Variants in CAMK4 observed in about 807,000 individuals in gnomAD.
The protein encoded by CAMK4 is calcium/calmodulin-dependent protein kinase type IV.
Under a neutral mutation model 44.9 loss-of-function variants are expected in CAMK4, and 22 were observed. The observed-to-expected ratio is 0.49, with a 90% CI of 0.35 to 0.70. CAMK4 has a LOEUF of 0.70. Among genes scored for constraint, CAMK4 ranks in the 30% least tolerant of loss-of-function variants. CAMK4 has a pLI of 0.01. For synonymous variants in CAMK4, 218 were observed against 215.4 expected (o/e 1.01, Z -0.11); for missense variants, 498 against 586.8 (o/e 0.85, Z 1.56).
At position 111,239,392 on chromosome 5, in the gene CAMK4, A is replaced by G. The variant is rs999035564; in HGVS notation, c.161+14748A>G. On this transcript the variant is annotated intron_variant, in intron 1 of 10. Coordinates refer to ENST00000282356, the MANE Select transcript of CAMK4 (RefSeq NM_001744.6). ...TATTGTCAGTTTTCTATCTTAAATT[A>G]TAAATTCCCGAGAATAAGATTCATG... Among the ~76,000 whole-genome samples, 5 of 152,164 alleles carry G rather than the reference A, an allele frequency of 3.3e-5. 1 individual carries two copies. Among genetic ancestry groups the G allele is most frequent in the African/African-American group, 1.2e-4 (5 of 41,430 alleles).
intron 4 of CAMK4, among the ~76,000 whole-genome samples, chr5:111,391,733 A>G (rs1282147183): frequency 6.6e-6 from 1 of 152,168 alleles, no homozygotes; most frequent in Non-Finnish European, 1.5e-5. Context: ...TAATGAAAGC[A>G]CTCTAAATTG....
At chr5:111,462,722 G>A (rs1389417271) in intron 7 of CAMK4, among the ~76,000 whole-genome samples, 2 of 152,148 alleles carry the variant, frequency 1.3e-5, no homozygotes, top group Non-Finnish European at 2.9e-5. Context: ...AGGAATTTAA[G>A]AAAAGAAGGC....
intron 1 of CAMK4, among the ~76,000 whole-genome samples, chr5:111,289,832 G>A (rs1293989345): frequency 6.6e-6 from 1 of 152,202 alleles, no homozygotes; most frequent in East Asian, 1.9e-4. Context: ...TCCCCATTGT[G>A]TAGCAGAAAT....
intron 2 of CAMK4, among the ~76,000 whole-genome samples, chr5:111,356,945 C>CAG (rs1214392662): frequency 3.3e-5 from 5 of 151,534 alleles, no homozygotes; most frequent in East Asian, 1.9e-4. Flanking sequence ...GACAGAAAGA[C>CAG]AGAGAGAGAG....
At chr5:111,243,331 G>C (rs1744995817) in intron 1 of CAMK4, among the ~76,000 whole-genome samples, 1 of 152,156 alleles carries the variant, frequency 6.6e-6, no homozygotes, top group African/African-American at 2.4e-5. Context: ...CATCACCTGG[G>C]GAAGAGTGAA....
rs1751841941 is a variant in CAMK4, at chr5:111,392,594, AT to A, written c.387-2114del. Among the ~76,000 whole-genome samples the A allele has an allele frequency of 3.3e-5, 5 of 152,192 alleles. No homozygotes were observed. In the South Asian group the frequency reaches 1.0e-3, roughly 32 times the overall value. On this transcript the variant is annotated intron_variant, in intron 4 of 10. Transcript: ENST00000282356. ...ACAAACACTCCTAAATGGAAAAAAAATTAAAATTAAAGAGGAAAAGCACATA... is the reference window on the plus strand; with the variant it reads ...ACAAACACTCCTAAATGGAAAAAAAATAAAATTAAAGAGGAAAAGCACATA...
At chr5:111,335,802 A>G (rs1749376397) in intron 1 of CAMK4, among the ~76,000 whole-genome samples, 1 of 151,418 alleles carries the variant, frequency 6.6e-6, no homozygotes, top group Admixed American at 6.6e-5. Flanking sequence ...TATATTTTGT[A>G]TATGTATGTA....
At chr5:111,462,531 C>A (rs1754679712) in intron 7 of CAMK4, among the ~76,000 whole-genome samples, 1 of 152,146 alleles carries the variant, frequency 6.6e-6, no homozygotes, top group Non-Finnish European at 1.5e-5. Context: ...ATTTCATTCA[C>A]CTTAGTCTCC....
At chr5:111,473,134 C>T (rs1210872024) in intron 7 of CAMK4, among the ~76,000 whole-genome samples, 177 bp from the exon 8 acceptor site, 1 of 152,128 alleles carries the variant, frequency 6.6e-6, no homozygotes, top group Non-Finnish European at 1.5e-5. Context: ...ACTATAATCT[C>T]TCCTACTAAA....
chr5:111,297,411 T>C (rs940022350), intron 1 of CAMK4, among the ~76,000 whole-genome samples: 1 of 152,170 alleles, frequency 6.6e-6, no homozygotes, highest in Non-Finnish European at 1.5e-5. Context: ...GTCAAACCTA[T>C]TTAAGAGAGA....
intron 1 of CAMK4, among the ~76,000 whole-genome samples, chr5:111,250,340 A>G (rs1451717863): frequency 6.6e-6 from 1 of 152,162 alleles, no homozygotes. Flanking sequence ...GATTGAAGGC[A>G]TGGTGTACTT....
chr5:111,441,346 T>C (rs998015808), intron 5 of CAMK4, among the ~76,000 whole-genome samples: 1 of 152,216 alleles, frequency 6.6e-6, no homozygotes, highest in Non-Finnish European at 1.5e-5. Context: ...TTTAAAAATA[T>C]AACACACTTA....
chr5:111,391,664 G>A (rs1428633825), intron 4 of CAMK4, among the ~76,000 whole-genome samples: 2 of 152,064 alleles, frequency 1.3e-5, no homozygotes, highest in Non-Finnish European at 2.9e-5. Flanking sequence ...CAAGGCAATG[G>A]AAGAAAACAA....
At chr5:111,401,390 G>T (rs1752220694) in intron 5 of CAMK4, among the ~76,000 whole-genome samples, 1 of 152,124 alleles carries the variant, frequency 6.6e-6, no homozygotes, top group Non-Finnish European at 1.5e-5. Flanking sequence ...CAAGGAAATG[G>T]GTGAGTAACT....
intron 1 of CAMK4, among the ~76,000 whole-genome samples, chr5:111,266,282 C>T (rs1429189465): frequency 6.6e-6 from 1 of 151,566 alleles, no homozygotes; most frequent in Non-Finnish European, 1.5e-5. Context: ...GAGAACATTT[C>T]CCTTATTATA....
chr5:111,272,780 C>T (rs192939860), intron 1 of CAMK4, among the ~76,000 whole-genome samples: 2 of 152,242 alleles, frequency 1.3e-5, no homozygotes, highest in Non-Finnish European at 2.9e-5. Context: ...CAGTCTTGTA[C>T]ATCACTTCTC....
intron 1 of CAMK4, chr5:111,302,438 G>C (rs888638437): frequency 2.0e-5 from 3 of 148,264 alleles, no homozygotes; most frequent in Non-Finnish European, 4.4e-5. Context: ...CCTGGGAAGC[G>C]CAAGGGGTCA....
intron 5 of CAMK4, among the ~76,000 whole-genome samples, chr5:111,411,718 T>G (rs1752638869): frequency 6.6e-6 from 1 of 152,190 alleles, no homozygotes; most frequent in Non-Finnish European, 1.5e-5. Context: ...CAAAGAAGAA[T>G]CCACTTCTGT....
At chr5:111,273,453 G>A (rs958947900) in intron 1 of CAMK4, among the ~76,000 whole-genome samples, 9 of 151,494 alleles carry the variant, frequency 5.9e-5, no homozygotes, top group East Asian at 5.8e-4. Flanking sequence ...ACAATACCCA[G>A]TCTTTTATGT....
Sources: gnomAD v4.1 joint callset for allele counts (sites outside exome capture counted in the v4.1 genomes callset) on GRCh38, gnomAD v4.1.1 for gene constraint, MANE v1.5 for transcripts, NCBI Gene and HGNC (gene_info 2026-07-23, HGNC 2026-07-21) for gene names.